PLD5: variants seen among roughly 807,000 people sequenced by gnomAD.
PLD5 encodes the protein inactive phospholipase D5.
In PLD5, 36 loss-of-function variants were observed where a neutral mutation model predicts 61.1. The ratio of observed to expected loss-of-function variants is 0.59; its 90% confidence interval spans 0.45 to 0.78. The LOEUF is 0.78. Ranked by LOEUF, PLD5 falls within the 30% of genes least tolerant of loss-of-function variation. The probability of loss-of-function intolerance (pLI) is 0.00; values close to 1 mark genes in which losing one functional copy is unlikely to be tolerated. For missense variants in PLD5, 515 were observed against 644.4 expected, an observed-to-expected ratio of 0.80 and a Z score of 2.17; for synonymous variants, 243 against 242.8, an observed-to-expected ratio of 1.00 and a Z score of -0.01.
chr1:242,174,157 A>G (rs1236355410), intron 5 of PLD5, among the ~76,000 whole-genome samples: 1 of 152,192 alleles, frequency 6.6e-6, no homozygotes, highest in Admixed American at 6.5e-5. Context: ...CATCTGACAA[A>G]GGGCTAATAT....
upstream of PLD5, among the ~76,000 whole-genome samples, chr1:242,527,998 C>G (rs564338146): frequency 1.3e-5 from 2 of 152,276 alleles, no homozygotes; most frequent in South Asian, 4.2e-4. Flanking sequence ...GATTCTTTAC[C>G]GTGCTGTTAG....
intron 1 of PLD5, among the ~76,000 whole-genome samples, chr1:242,359,141 T>TG (rs1186864118): frequency 3.9e-5 from 6 of 152,066 alleles, no homozygotes; most frequent in Non-Finnish European, 8.8e-5. Flanking sequence ...ATCTACCCAC[T>TG]GGTCTCCGTG....
intron 2 of PLD5, among the ~76,000 whole-genome samples, chr1:242,309,847 G>A (rs1162077722): frequency 2.8e-5 from 2 of 72,448 alleles, no homozygotes; most frequent in Admixed American, 1.8e-4. Flanking sequence ...CTGCCTGACG[G>A]GAATAAATAA....
At chr1:242,131,696 A>G (rs551572411) in intron 5 of PLD5, among the ~76,000 whole-genome samples, 14 of 152,188 alleles carry the variant, frequency 9.2e-5, no homozygotes, top group Non-Finnish European at 1.9e-4. Flanking sequence ...AAGACTAGGC[A>G]TTCCCTGTGG....
intron 1 of PLD5, among the ~76,000 whole-genome samples, chr1:242,357,155 T>C (rs1279120504): frequency 6.6e-6 from 1 of 152,084 alleles, no homozygotes; most frequent in Non-Finnish European, 1.5e-5. Flanking sequence ...CTGGGAAAGC[T>C]TTTATTTCTC....
At chr1:242,454,665 G>GA (rs1666892672) in intron 1 of PLD5, among the ~76,000 whole-genome samples, 1 of 152,134 alleles carries the variant, frequency 6.6e-6, no homozygotes, top group Non-Finnish European at 1.5e-5. Flanking sequence ...TTCTAACGCT[G>GA]AAAAGTGGCT....
intron 7 of PLD5, among the ~76,000 whole-genome samples, chr1:242,111,657 T>C (rs12131760): frequency 0.074 from 11,229 of 152,236 alleles, 516 homozygotes; most frequent in South Asian, 0.18. Flanking sequence ...AAAGCTTTTC[T>C]GGGACTAGAT....
intron 9 of PLD5, among the ~76,000 whole-genome samples, chr1:242,098,444 G>A (rs531106633): frequency 2.0e-5 from 3 of 152,228 alleles, no homozygotes; most frequent in East Asian, 1.9e-4. Flanking sequence ...ATCGGTTATT[G>A]TAGTTAGCCA....
Position 242,220,104 on chromosome 1 carries a change from T to C in PLD5, c.619A>G (p.Thr207Ala). ...EALKLKGAEVTYMNMTAYNKG... is the reference protein window; with the variant it reads ...EALKLKGAEVAYMNMTAYNKG... ...TTGTAAGCGGTCATGTTCATGTACG[T>C]CACCTCGGCTCCTAGGAGTTCAAGG... is the stretch of plus-strand genomic sequence containing the variant. Residue 207 changes from threonine to alanine, a missense_variant, in exon 5 of 10, where the codon ACG (threonine) becomes GCG (alanine). By Grantham distance (58) the Thr-to-Ala change is moderately conservative. Transcript: ENST00000536534. 6.2e-7 allele frequency: 1 copy of C among 1,614,156 alleles called. No homozygotes were observed. The highest frequency in any genetic ancestry group is 8.5e-7 in the Non-Finnish European group (1 of 1,180,008).
rs558801906 is a variant in PLD5 at position 242,202,559 on chromosome 1, G to C, written c.735+17429C>G. 5.9e-5 allele frequency among the ~76,000 whole-genome samples: 9 copies of C among 152,250 alleles called. No homozygotes were observed. The South Asian group carries it at 1.9e-3, about 32-fold the overall frequency. On this transcript the variant is annotated intron_variant, in intron 5 of 9. Transcript: ENST00000536534. ...CCATCCAGCCCATGCCTGTGACAGGGAGCTAACTCGAGAGAGGCTGGATGG... is the reference window on the plus strand; with the variant it reads ...CCATCCAGCCCATGCCTGTGACAGGCAGCTAACTCGAGAGAGGCTGGATGG...
Position 242,196,051 on chromosome 1 carries a change from T to A in PLD5, c.735+23937A>T, listed in dbSNP as rs573197623. ...GAGGTGGAGAATAAGATACTATAGG[T>A]TGTGAAAATGATCTGAACTATTTTT... On this transcript the variant is annotated intron_variant, in intron 5 of 9. Coordinates refer to ENST00000536534, the MANE Select transcript of PLD5 (RefSeq NM_001372062.1). 2.0e-5 allele frequency among the ~76,000 whole-genome samples: 3 copies of A among 152,176 alleles called. No individual in the cohort carries two copies. In the East Asian group the frequency reaches 5.8e-4, roughly 29 times the overall value.
Position 242,524,485 on chromosome 1 carries a change from G to A in PLD5, c.-209C>T, listed in dbSNP as rs1669384030. 2 of 308,258 alleles carry A rather than the reference G, an allele frequency of 6.5e-6. No homozygotes were observed. The highest frequency in any genetic ancestry group is 1.6e-4 in the South Asian group (1 of 6,434). The allele number at this position is 308,258 out of a possible 1,614,324, so 19.1% of individuals were successfully genotyped here. On this transcript the variant is annotated 5_prime_UTR_variant, in exon 1 of 10. Transcript: ENST00000536534. ...GGCCGGGCGGGAGGGGGCGATCGCG[G>A]GAGGCGCGGGGCGGAAGGAGGGAGG... is the stretch of plus-strand genomic sequence containing the variant.
At chr1:242,318,775 C>T (rs1658190377) in intron 2 of PLD5, among the ~76,000 whole-genome samples, 1 of 151,966 alleles carries the variant, frequency 6.6e-6, no homozygotes, top group Admixed American at 6.6e-5. Context: ...CGGGCATGAG[C>T]CACTTCATCT....
chr1:242,292,963 T>C (rs1012854954), intron 2 of PLD5, among the ~76,000 whole-genome samples: 1 of 152,204 alleles, frequency 6.6e-6, no homozygotes, highest in Non-Finnish European at 1.5e-5. Flanking sequence ...GAATAATGCA[T>C]AGGTTTCATC....
intron 5 of PLD5, among the ~76,000 whole-genome samples, chr1:242,216,632 A>G (rs35350393): frequency 0.28 from 42,634 of 152,064 alleles, 6,387 homozygotes; most frequent in South Asian, 0.4. Context: ...AGCTTCGCTG[A>G]CTGTTCAGGG....
chr1:242,503,183 AGGTGGGGCCT>A (rs1220978371), intron 1 of PLD5, among the ~76,000 whole-genome samples: 1 of 152,018 alleles, frequency 6.6e-6, no homozygotes. Flanking sequence ...CCAGTGTTGG[AGGTGGGGCCT>A]GGTGGGAGGT....
intron 1 of PLD5, among the ~76,000 whole-genome samples, chr1:242,355,784 A>G (rs1660720195): frequency 6.6e-6 from 1 of 151,972 alleles, no homozygotes; most frequent in Non-Finnish European, 1.5e-5. Flanking sequence ...AAATTTTGGT[A>G]TGTTGTGTTT....
At chr1:242,158,345 A>G (rs1199388180) in intron 5 of PLD5, among the ~76,000 whole-genome samples, 1 of 151,966 alleles carries the variant, frequency 6.6e-6, no homozygotes, top group Non-Finnish European at 1.5e-5. Context: ...CCTCCCAGGC[A>G]CCACTGGGGT....
At chr1:242,454,236 G>A (rs1666875643) in intron 1 of PLD5, among the ~76,000 whole-genome samples, 1 of 151,774 alleles carries the variant, frequency 6.6e-6, no homozygotes, top group South Asian at 2.1e-4. Context: ...GAGAAGCTGA[G>A]GCAGGAGAAT....
Sources: allele counts gnomAD v4.1 joint callset (sites outside exome capture counted in the v4.1 genomes callset), GRCh38; gene constraint gnomAD v4.1.1; transcripts MANE v1.5; gene names NCBI Gene and HGNC (gene_info 2026-07-23, HGNC 2026-07-21).